EPC1: variants seen among roughly 807,000 people sequenced by gnomAD.
EPC1 encodes the protein enhancer of polycomb 1.
Under a neutral mutation model 98.4 loss-of-function variants are expected in EPC1, and 12 were observed. The observed-to-expected ratio is 0.12, with a 90% confidence interval of 0.08 to 0.20. EPC1 has a LOEUF of 0.20. Among genes scored for constraint, EPC1 ranks in the 10% least tolerant of loss-of-function variants. The pLI, the probability that EPC1 is intolerant of heterozygous loss-of-function variation, is 1.00. For missense variants in EPC1, 729 were observed against 990.5 expected (o/e 0.74, Z 3.54); for synonymous variants, 357 against 363.9 (o/e 0.98, Z 0.21).
chr10:32,296,430 T>G (rs866200268), intron 2 of EPC1, among the ~76,000 whole-genome samples: 1 of 152,156 alleles, frequency 6.6e-6, no homozygotes, highest in Non-Finnish European at 1.5e-5. Context: ...CTGGTAGATA[T>G]TATATTATCA....
At chr10:32,300,932 C>T (rs1471221667) in intron 2 of EPC1, among the ~76,000 whole-genome samples, 1 of 152,046 alleles carries the variant, frequency 6.6e-6, no homozygotes, top group Non-Finnish European at 1.5e-5. Context: ...AGCCATTTCT[C>T]CAAGGCTTCC....
intron 2 of EPC1, among the ~76,000 whole-genome samples, chr10:32,303,426 A>C (rs1835690143): frequency 6.6e-6 from 1 of 152,246 alleles, no homozygotes; most frequent in Admixed American, 6.5e-5. Context: ...CAATGAGTGA[A>C]TGATTAAACA....
At chr10:32,360,720 C>T (rs1839419849) in intron 1 of EPC1, among the ~76,000 whole-genome samples, 1 of 152,092 alleles carries the variant, frequency 6.6e-6, no homozygotes, top group South Asian at 2.1e-4. Flanking sequence ...ATGGTGAAAC[C>T]CCGTCTCTAC....
intron 1 of EPC1, among the ~76,000 whole-genome samples, chr10:32,324,569 C>G (rs973034036): frequency 2.6e-5 from 4 of 151,254 alleles, no homozygotes; most frequent in Non-Finnish European, 5.9e-5. Context: ...TCTAATAAAT[C>G]TTACTCTTAT....
At chr10:32,344,505 G>A (rs962155930) in intron 1 of EPC1, among the ~76,000 whole-genome samples, 9 of 152,160 alleles carry the variant, frequency 5.9e-5, no homozygotes, top group Non-Finnish European at 1.3e-4. Flanking sequence ...GTCAAAATTG[G>A]CCGGGCGCGG....
chr10:32,340,931 GT>G (rs5784284), intron 1 of EPC1, among the ~76,000 whole-genome samples: 99,406 of 152,052 alleles, frequency 0.65, 32,924 homozygotes, highest in Middle Eastern at 0.78. Context: ...AAAAGTTATT[GT>G]TATCAATGCA....
chr10:32,283,849 G>A (rs1286170580), intron 10 of EPC1: 2 of 151,872 alleles, frequency 1.3e-5, no homozygotes, highest in East Asian at 3.8e-4. Flanking sequence ...TGTTGTTCAG[G>A]GGTCAACTGT....
chr10:32,318,586 G>T (rs769223876), intron 1 of EPC1, among the ~76,000 whole-genome samples: 1 of 151,948 alleles, frequency 6.6e-6, no homozygotes, highest in Non-Finnish European at 1.5e-5. Flanking sequence ...ACATAACATC[G>T]ACACCCCTGC....
chr10:32,349,550 G>C (rs1355744712), upstream of EPC1, among the ~76,000 whole-genome samples: 1 of 151,594 alleles, frequency 6.6e-6, no homozygotes, highest in Non-Finnish European at 1.5e-5. Flanking sequence ...AAAGGCTGGA[G>C]TCCCAAGCCT....
At position 32,330,731 on chromosome 10, in the gene EPC1, T is replaced by C. The variant is rs566203116; in HGVS notation, c.153+16032A>G. ...AAAGGAACATTATTATAGGTATTAATTGGTTTCTTGCTAATGATACAAAGT... is the reference window on the plus strand; with the variant it reads ...AAAGGAACATTATTATAGGTATTAACTGGTTTCTTGCTAATGATACAAAGT... On this transcript the variant is annotated intron_variant, in intron 1 of 13. Coordinates refer to ENST00000319778, the MANE Select transcript of EPC1 (RefSeq NM_001272004.3). Among the ~76,000 whole-genome samples, 23 of 152,314 alleles carry C rather than the reference T, an allele frequency of 1.5e-4. No homozygotes were observed. In the South Asian group the frequency reaches 1.9e-3, roughly 12 times the overall value.
chr10:32,269,465 A>G (rs1835733111), intron 13 of EPC1: 2 of 242,840 alleles, frequency 8.2e-6, no homozygotes, highest in Admixed American at 5.3e-5. Flanking sequence ...AAGAGTTTTT[A>G]AAAAGGAAAC....
chr10:32,371,559 G>A (rs1285484792), intron 1 of EPC1, among the ~76,000 whole-genome samples: 4 of 152,232 alleles, frequency 2.6e-5, no homozygotes, highest in Admixed American at 6.5e-5. Flanking sequence ...TTAATGACTC[G>A]TTGGCAAATA....
At chr10:32,363,267 T>G (rs993252987) in intron 1 of EPC1, among the ~76,000 whole-genome samples, 1 of 152,100 alleles carries the variant, frequency 6.6e-6, no homozygotes, top group Non-Finnish European at 1.5e-5. Flanking sequence ...CAGAGAAAAT[T>G]TTGTATTTTC....
intron 2 of EPC1, among the ~76,000 whole-genome samples, chr10:32,298,786 T>G (rs1236700562): frequency 6.6e-6 from 1 of 152,184 alleles, no homozygotes; most frequent in East Asian, 1.9e-4. Context: ...CTGGTTGCTG[T>G]TATAGATTTT....
At chr10:32,319,477 T>G (rs530650756) in intron 1 of EPC1, among the ~76,000 whole-genome samples, 28 of 152,234 alleles carry the variant, frequency 1.8e-4, no homozygotes, top group African/African-American at 6.7e-4. Context: ...ACCAGTGAGG[T>G]GCAGATGCAT....
intron 1 of EPC1, among the ~76,000 whole-genome samples, chr10:32,343,127 G>A (rs1356590762): frequency 1.2e-5 from 1 of 86,436 alleles, no homozygotes; most frequent in African/African-American, 3.5e-5. Context: ...TCTCAGAGCT[G>A]AAAGTCTATT....
intron 1 of EPC1, among the ~76,000 whole-genome samples, chr10:32,332,458 T>C (rs1294238570): frequency 1.3e-5 from 2 of 152,174 alleles, no homozygotes; most frequent in Non-Finnish European, 2.9e-5. Context: ...CAACAGCACA[T>C]GGCAGAAGTG....
chr10:32,284,924 C>T lies in EPC1; in HGVS notation c.1518G>A (p.Ser506=), dbSNP rs146134899. 203 of 1,613,894 alleles carry T rather than the reference C, an allele frequency of 1.3e-4. No individual in the cohort carries two copies. The highest frequency in any genetic ancestry group is 1.5e-4 in the Non-Finnish European group (179 of 1,180,018). Residue 506 remains serine, a synonymous_variant, in exon 10 of 14, where the codon TCG becomes TCA. Coordinates refer to ENST00000319778, the MANE Select transcript of EPC1 (RefSeq NM_001272004.3). ...QFANTSETNT[S]DKSFSKDLSQ... is the part of the protein sequence containing the mutation. ...TGAGGTCTTTAGAGAAAGATTTGTC[C>T]GAGGTATTTGTTTCTGAGGTATTGG...
intron 1 of EPC1, among the ~76,000 whole-genome samples, chr10:32,362,290 A>G (rs1839464928): frequency 6.6e-6 from 1 of 151,790 alleles, no homozygotes; most frequent in Non-Finnish European, 1.5e-5. Context: ...CCAAAATCTC[A>G]TGTTGAACTG....
Sources: gnomAD v4.1 joint callset for allele counts (sites outside exome capture counted in the v4.1 genomes callset) on GRCh38, gnomAD v4.1.1 for gene constraint, MANE v1.5 for transcripts, NCBI Gene and HGNC (gene_info 2026-07-23, HGNC 2026-07-21) for gene names.